Variants in FRAS1 observed in about 807,000 individuals in gnomAD.
The protein encoded by FRAS1 is extracellular matrix organizing protein FRAS1.
FRAS1 carries 290 observed loss-of-function variants against 435.2 expected under a neutral mutation model. The observed-to-expected ratio is 0.67, with a 90% CI of 0.61 to 0.73. The LOEUF (loss-of-function observed/expected upper bound fraction) is 0.73, where lower values mean the gene tolerates loss of function less well. FRAS1 is among the 30% of genes least tolerant of loss of function. FRAS1 has a pLI of 0.00. For missense variants in FRAS1, 4,860 were observed against 5,001.5 expected (o/e 0.97, Z 0.85); for synonymous variants, 1,800 against 1,851.0 (o/e 0.97, Z 0.71).
intron 61 of FRAS1, among the ~76,000 whole-genome samples, chr4:78,505,441 T>C (rs1045356801): frequency 6.6e-6 from 1 of 152,224 alleles, no homozygotes; most frequent in Non-Finnish European, 1.5e-5. Flanking sequence ...ATTCTTTTTT[T>C]CTCTAAACTT....
chr4:78,239,469 T>C lies in FRAS1; in HGVS notation c.216+1852T>C, dbSNP rs1239326397. On this transcript the variant is annotated intron_variant, in intron 3 of 73. Transcript: ENST00000512123. The stretch of plus-strand genomic sequence containing the variant: ...TTTTGCTGTTTCTATACTTGCCTTT[T>C]TCACTGTAATTTTGATATAGTAGCC... 2.0e-5 allele frequency among the ~76,000 whole-genome samples: 3 copies of C among 152,200 alleles called. No homozygotes were observed. The East Asian group carries it at 5.8e-4, about 29-fold the overall frequency.
chr4:78,417,750 A>T (rs1385962201), intron 32 of FRAS1, among the ~76,000 whole-genome samples: 1 of 152,126 alleles, frequency 6.6e-6, no homozygotes, highest in African/African-American at 2.4e-5. Flanking sequence ...AGAACACCAC[A>T]CCCTCCTCTA....
chr4:78,242,534 C>A (rs1451519868), intron 3 of FRAS1, among the ~76,000 whole-genome samples: 1 of 152,218 alleles, frequency 6.6e-6, no homozygotes, highest in Non-Finnish European at 1.5e-5. Flanking sequence ...CTCTCGGGTT[C>A]AAGTGATTCT....
At chr4:78,457,709 A>G (rs909305969) in intron 47 of FRAS1, among the ~76,000 whole-genome samples, 3 of 152,180 alleles carry the variant, frequency 2.0e-5, no homozygotes, top group Admixed American at 2.0e-4. Flanking sequence ...GGCTGTTACA[A>G]AACTCTTCAG....
intron 4 of FRAS1, among the ~76,000 whole-genome samples, chr4:78,246,524 C>T (rs1321891690): frequency 6.6e-6 from 1 of 152,162 alleles, no homozygotes; most frequent in Non-Finnish European, 1.5e-5. Flanking sequence ...ATGTGCTGCT[C>T]GATTCAGCCT....
At chr4:78,370,679 T>C (rs1362902131) in intron 23 of FRAS1, among the ~76,000 whole-genome samples, 2 of 152,256 alleles carry the variant, frequency 1.3e-5, no homozygotes, top group African/African-American at 4.8e-5. Flanking sequence ...TGTTCATCTC[T>C]GCTTAACATA....
intron 37 of FRAS1, 148 bp downstream of exon 37, chr4:78,430,565 A>G (rs895515288): frequency 3.6e-6 from 3 of 843,848 alleles, no homozygotes; most frequent in African/African-American, 1.7e-5. Flanking sequence ...ATTGGCTTTG[A>G]TATTTGAGAC....
chr4:78,217,784 A>T (rs1313376034), intron 2 of FRAS1, among the ~76,000 whole-genome samples: 4 of 136,028 alleles, frequency 2.9e-5, no homozygotes, highest in Admixed American at 7.5e-5. Context: ...CCTACAAGAT[A>T]TCTCCCCCTC....
intron 55 of FRAS1, among the ~76,000 whole-genome samples, chr4:78,479,044 A>T (rs1719934162): frequency 6.6e-6 from 1 of 152,250 alleles, no homozygotes; most frequent in Non-Finnish European, 1.5e-5. Context: ...TTACTTTCCT[A>T]CTTAAAGTAC....
chr4:78,209,845 A>T (rs775520566), intron 2 of FRAS1, among the ~76,000 whole-genome samples: 1 of 152,184 alleles, frequency 6.6e-6, no homozygotes, highest in Non-Finnish European at 1.5e-5. Context: ...GGCTAATTTC[A>T]TTCACCTTCT....
chr4:78,289,679 ACT>A (rs1007596584), intron 14 of FRAS1, among the ~76,000 whole-genome samples: 2 of 151,712 alleles, frequency 1.3e-5, no homozygotes, highest in East Asian at 3.9e-4. Flanking sequence ...ACTCTTCTTG[ACT>A]CTGCAGTCCT....
In FRAS1 at chr4:78,308,239, C is replaced by G. The variant is rs149685354; in HGVS notation, c.1678+30C>G. 3.3e-4 allele frequency: 521 copies of G among 1,598,224 alleles called. 3 individuals carry two copies. The African/African-American group carries it at 6.2e-3, about 19-fold the overall frequency. On this transcript the variant is annotated intron_variant, in intron 15 of 73. Transcript: ENST00000512123. ...GTGCTGGGTTGCGATGCTGACGTGTCCTTTCCTTTTTCTTTTCCAGCATCT... is the reference window on the plus strand; with the variant it reads ...GTGCTGGGTTGCGATGCTGACGTGTGCTTTCCTTTTTCTTTTCCAGCATCT...
chr4:78,277,665 T>C (rs1313264260), intron 9 of FRAS1, among the ~76,000 whole-genome samples: 2 of 152,128 alleles, frequency 1.3e-5, no homozygotes, highest in Non-Finnish European at 2.9e-5. Context: ...TTGCAAATTA[T>C]TTACATTTTT....
intron 14 of FRAS1, among the ~76,000 whole-genome samples, chr4:78,299,100 G>T (rs935698120): frequency 2.0e-5 from 3 of 152,186 alleles, no homozygotes; most frequent in Non-Finnish European, 2.9e-5. Context: ...GTTGTGGGCT[G>T]GGCGAATCCT....
rs538045204 is a variant in FRAS1, at chr4:78,508,823, C to A, written c.9597C>A (p.Val3199=). The stretch of plus-strand genomic sequence containing the variant: ...CCCCAGGCTACCCACTGGTCTGTGT[C>A]ACCCCCTGCGACCCTCATTTCCCCA... The part of the protein sequence containing the change: ...SPSPGYPLVC[V]TPCDPHFPRY... The change falls in exon 63 of 74, where the codon GTC becomes GTA. Residue 3199 remains valine, a synonymous_variant. Transcript: ENST00000512123. The A allele has an allele frequency of 1.9e-6, 3 of 1,613,740 alleles. No homozygotes were observed. Among genetic ancestry groups the A allele is most frequent in the African/African-American group, 1.3e-5 (1 of 75,056 alleles).
rs1231104857 is a variant in FRAS1, at chr4:78,544,094, A to G, written c.*2970A>G. 1 of 152,624 alleles carries G rather than the reference A, an allele frequency of 6.6e-6. No individual in the cohort carries two copies. The highest frequency in any genetic ancestry group is 1.5e-5 in the Non-Finnish European group (1 of 68,028). 9.5% of individuals were successfully genotyped at this position (152,624 alleles called of 1,614,324 possible). On this transcript the variant is annotated 3_prime_UTR_variant, in exon 74 of 74. Transcript: ENST00000512123. ...TGCTATAGGTATTTGTTATTCTTGGATACTACACACCTGCTCAGACTGAGT... is the reference window on the plus strand; with the variant it reads ...TGCTATAGGTATTTGTTATTCTTGGGTACTACACACCTGCTCAGACTGAGT...
At chr4:78,221,647 T>C (rs1724053410) in intron 2 of FRAS1, among the ~76,000 whole-genome samples, 1 of 152,186 alleles carries the variant, frequency 6.6e-6, no homozygotes, top group African/African-American at 2.4e-5. Context: ...TGGCTCACCG[T>C]CCTCCCATTT....
intron 3 of FRAS1, 87 bp from the exon 4 acceptor site, chr4:78,245,146 A>T: frequency 1.2e-6 from 1 of 862,436 alleles, no homozygotes; most frequent in South Asian, 1.4e-5. Flanking sequence ...AGATTTAGTG[A>T]ATGTAAGATG....
At chr4:78,512,314 G>A (rs1721066890) in intron 64 of FRAS1, among the ~76,000 whole-genome samples, 1 of 152,102 alleles carries the variant, frequency 6.6e-6, no homozygotes, top group Non-Finnish European at 1.5e-5. Context: ...AATAAAACAT[G>A]TTTGAATGAA....
Sources: allele counts gnomAD v4.1 joint callset (sites outside exome capture counted in the v4.1 genomes callset), GRCh38; gene constraint gnomAD v4.1.1; transcripts MANE v1.5; gene names NCBI Gene and HGNC (gene_info 2026-07-23, HGNC 2026-07-21).